Variants in PARPBP observed in about 807,000 individuals in gnomAD.
PARPBP encodes the protein PARP1 binding protein.
PARPBP carries 52 observed loss-of-function variants against 50.0 expected under a neutral mutation model. The ratio of observed to expected loss-of-function variants is 1.04; its 90% CI spans 0.83 to 1.31. The LOEUF is 1.31. PARPBP is among the 50% of genes most tolerant of loss of function. The pLI is 0.00. For synonymous variants in PARPBP, 244 were observed against 232.1 expected (o/e 1.05, Z -0.47); for missense variants, 697 against 672.0 (o/e 1.04, Z -0.41).
At chr12:102,157,410 T>TAA (rs1887071998) in intron 4 of PARPBP, among the ~76,000 whole-genome samples, 1 of 152,132 alleles carries the variant, frequency 6.6e-6, no homozygotes, top group Non-Finnish European at 1.5e-5. Flanking sequence ...AATGGTTTTA[T>TAA]ATCTCCTTAG....
chr12:102,184,777 T>C (rs1027061798), intron 9 of PARPBP, among the ~76,000 whole-genome samples: 2 of 152,176 alleles, frequency 1.3e-5, no homozygotes, highest in African/African-American at 2.4e-5. Context: ...GGTATACAAC[T>C]GAACCATAGC....
At chr12:102,180,568 T>A (rs940643801) in intron 8 of PARPBP, among the ~76,000 whole-genome samples, 5 of 152,234 alleles carry the variant, frequency 3.3e-5, no homozygotes, top group Non-Finnish European at 7.4e-5. Context: ...CCCAGTGTGG[T>A]GGTGCATGCT....
chr12:102,141,344 C>A (rs1884565556), intron 2 of PARPBP, among the ~76,000 whole-genome samples: 1 of 151,642 alleles, frequency 6.6e-6, no homozygotes. Context: ...CTTGGTAGAT[C>A]TTCCTCCATC....
chr12:102,184,240 G>A (rs1461776176), intron 9 of PARPBP, among the ~76,000 whole-genome samples: 1 of 151,824 alleles, frequency 6.6e-6, no homozygotes, highest in African/African-American at 2.4e-5. Context: ...GGATACATGA[G>A]ATGTTTTGAT....
chr12:102,145,387 C>G (rs896699438), intron 2 of PARPBP, among the ~76,000 whole-genome samples: 1 of 152,016 alleles, frequency 6.6e-6, no homozygotes, highest in East Asian at 1.9e-4. Context: ...TATCTGGATA[C>G]TTAAAAATAT....
At chr12:102,136,784 A>G (rs1159042219) in intron 2 of PARPBP, among the ~76,000 whole-genome samples, 1 of 152,212 alleles carries the variant, frequency 6.6e-6, no homozygotes, top group Non-Finnish European at 1.5e-5. Flanking sequence ...CTGACTTCCA[A>G]GCAGTATGAA....
chr12:102,137,285 A>G (rs1004611942), intron 2 of PARPBP, among the ~76,000 whole-genome samples: 11 of 152,172 alleles, frequency 7.2e-5, no homozygotes, highest in African/African-American at 2.7e-4. Context: ...CATGAGTCTT[A>G]AAGTATAATT....
intron 8 of PARPBP, among the ~76,000 whole-genome samples, chr12:102,180,315 A>G (rs1300896795): frequency 6.6e-6 from 1 of 152,128 alleles, no homozygotes; most frequent in Non-Finnish European, 1.5e-5. Context: ...AATAATTTCA[A>G]TTTTCTCTCA....
Position 102,196,129 on chromosome 12 carries a change from T to C in PARPBP, c.1578T>C (p.Asn526=). 6.2e-7 allele frequency: 1 copy of C among 1,612,024 alleles called. No homozygotes were observed. The highest frequency in any genetic ancestry group is 8.5e-7 in the Non-Finnish European group (1 of 1,178,650). The change falls in exon 11 of 11, where the codon AAT becomes AAC. Residue 526 remains asparagine (N), a synonymous_variant. Transcript: ENST00000327680. ...DGENILCDNR[N]EPPQHKNAKI... Reference sequence around the variant, plus strand: ...AAAATATTCTCTGTGATAATAGAAATGAACCACCTCAACATAAAAATGCTA... The same window carrying C: ...AAAATATTCTCTGTGATAATAGAAACGAACCACCTCAACATAAAAATGCTA...
intron 9 of PARPBP, 84 bp downstream of exon 9, chr12:102,182,711 G>A: frequency 2.3e-6 from 2 of 866,676 alleles, no homozygotes; most frequent in East Asian, 2.6e-5. Flanking sequence ...GCTGGGTATT[G>A]TAAATATTGT....
At chr12:102,155,593 G>T (rs1253829871) in intron 4 of PARPBP, among the ~76,000 whole-genome samples, 2 of 102,642 alleles carry the variant, frequency 1.9e-5, no homozygotes, top group African/African-American at 7.6e-5. Flanking sequence ...TGAGAGCATG[G>T]TGGGGGGGGG....
chr12:102,162,427 A>G (rs1887696750), intron 4 of PARPBP, among the ~76,000 whole-genome samples: 1 of 152,192 alleles, frequency 6.6e-6, no homozygotes, highest in South Asian at 2.1e-4. Context: ...TTTCAAGTGG[A>G]CAGTTTGGGA....
At chr12:102,141,738 C>T (rs1436182839) in intron 2 of PARPBP, among the ~76,000 whole-genome samples, 2 of 152,164 alleles carry the variant, frequency 1.3e-5, no homozygotes, top group Non-Finnish European at 2.9e-5. Context: ...TTCTCCTTCA[C>T]TTATGAAGCT....
At position 102,165,730 on chromosome 12, in the gene PARPBP, T is replaced by C. The variant is rs138795430; in HGVS notation, c.668T>C (p.Val223Ala). Residue 223 changes from valine to alanine, a missense_variant and splice_region_variant, in exon 6 of 11, where the codon GTG becomes GCG. Transcript: ENST00000327680. ...TTATCCGTTTGTTTTAATTCATAGG[T>C]GGCCACGTCTTTTATTAGAACAATA... ...AREKQMSIFL[V>A]ATSFIRTIEL... is the part of the protein sequence containing the mutation. 391 of 1,600,992 alleles carry C rather than the reference T, an allele frequency of 2.4e-4. 1 individual carries two copies. The African/African-American group carries it at 3.6e-3, about 15-fold the overall frequency.
intron 4 of PARPBP, among the ~76,000 whole-genome samples, chr12:102,163,966 TA>T (rs1399420178): frequency 1.3e-5 from 2 of 151,978 alleles, no homozygotes; most frequent in Non-Finnish European, 2.9e-5. Flanking sequence ...TTACCTTGAG[TA>T]GGGGGGGCAC....
rs78527422 is a variant in PARPBP, at chr12:102,129,901, T to A, written c.153+5860T>A. Among the ~76,000 whole-genome samples, 969 of 152,310 alleles carry A rather than the reference T, an allele frequency of 6.4e-3. 11 individuals carry two copies. Among genetic ancestry groups the A allele is most frequent in the African/African-American group, 0.023 (944 of 41,542 alleles). On this transcript the variant is annotated intron_variant, in intron 2 of 10. Transcript: ENST00000327680. The stretch of plus-strand genomic sequence containing the variant: ...GAGCTAGAAAAAGCTCTTTTAAAAT[T>A]CCTATGGAACCCAAAAAGACCCCAA...
chr12:102,197,331 T>G lies in PARPBP; in HGVS notation c.*1040T>G, dbSNP rs1891401856. 5 of 822,214 alleles carry G rather than the reference T, an allele frequency of 6.1e-6. No individual in the cohort carries two copies. The highest frequency in any genetic ancestry group is 9.3e-6 in the Non-Finnish European group (5 of 536,280). The allele number at this position is 822,214 out of a possible 1,614,324, so 50.9% of individuals were successfully genotyped here. ...CAAATTTATAGGAGAAAAAACACTTTCAGATAAGAGGTGTTTGCTGGGATG... is the reference window on the plus strand; with the variant it reads ...CAAATTTATAGGAGAAAAAACACTTGCAGATAAGAGGTGTTTGCTGGGATG... On this transcript the variant is annotated 3_prime_UTR_variant, in exon 11 of 11. Coordinates refer to ENST00000327680, the MANE Select transcript of PARPBP (RefSeq NM_017915.5).
intron 1 of PARPBP, among the ~76,000 whole-genome samples, chr12:102,123,498 GTTTTTT>G (rs71737241): frequency 7.4e-6 from 1 of 135,388 alleles, no homozygotes; most frequent in Admixed American, 7.4e-5. Context: ...GGCTTTTTAG[GTTTTTT>G]TTTTTTTTTC....
intron 6 of PARPBP, among the ~76,000 whole-genome samples, chr12:102,168,545 A>C (rs1031213742): frequency 6.6e-6 from 1 of 152,110 alleles, no homozygotes; most frequent in East Asian, 1.9e-4. Context: ...TTTGTTTTAT[A>C]AATAAAATAA....
Sources: gnomAD v4.1 joint callset for allele counts (sites outside exome capture counted in the v4.1 genomes callset) on GRCh38, gnomAD v4.1.1 for gene constraint, MANE v1.5 for transcripts, NCBI Gene and HGNC (gene_info 2026-07-23, HGNC 2026-07-21) for gene names.